Variants in CDX2 observed in about 807,000 individuals in gnomAD.
CDX2 encodes the protein caudal type homeobox 2, also known as homeobox protein CDX-2.
CDX2 carries 7 observed loss-of-function variants against 25.5 expected under a neutral mutation model. The observed-to-expected ratio is 0.27, with a 90% confidence interval of 0.16 to 0.52. The LOEUF (loss-of-function observed/expected upper bound fraction) is 0.52, where lower values mean the gene tolerates loss of function less well. Ranked by LOEUF, CDX2 falls within the 20% of genes least tolerant of loss-of-function variation. The pLI, the probability that CDX2 is intolerant of heterozygous loss-of-function variation, is 0.97. For synonymous variants in CDX2, 222 were observed against 198.6 expected (o/e 1.12, Z -0.99); for missense variants, 375 against 431.4 (o/e 0.87, Z 1.16).
chr13:27,967,139 C>T, intron 1 of CDX2: 1 of 383,982 alleles, frequency 2.6e-6, no homozygotes, highest in Non-Finnish European at 5.1e-6. Flanking sequence ...CCCCGCCAAC[C>T]GCGCCCCAGA....
chr13:27,967,685 T>C (rs573565366), intron 1 of CDX2, among the ~76,000 whole-genome samples: 49 of 152,228 alleles, frequency 3.2e-4, no homozygotes, highest in Middle Eastern at 3.4e-3. Context: ...TTGGGAGAAA[T>C]GACCCCTACC....
chr13:27,961,349 G>A lies in CDX2; in HGVS notation c.*1766C>T, dbSNP rs1442732976. Among the ~76,000 whole-genome samples, 3 of 152,246 alleles carry A rather than the reference G, an allele frequency of 2.0e-5. No homozygotes were observed. In the South Asian group the frequency reaches 6.2e-4, roughly 31 times the overall value. The stretch of plus-strand genomic sequence containing the variant: ...CCGTGGGCGCGCTGATTAGGCTCTC[G>A]GATGTTGGTGGGAAGATCGAAACGA... On this transcript the variant is annotated 3_prime_UTR_variant, in exon 3 of 3. Transcript: ENST00000381020.
intron 1 of CDX2, among the ~76,000 whole-genome samples, chr13:27,966,723 G>A (rs1432634397): frequency 6.6e-6 from 1 of 152,170 alleles, no homozygotes; most frequent in African/African-American, 2.4e-5. Context: ...ACCTAGGAGC[G>A]GGGCTATGGA....
At chr13:27,966,828 G>A (rs1240911156) in intron 1 of CDX2, among the ~76,000 whole-genome samples, 1 of 152,184 alleles carries the variant, frequency 6.6e-6, no homozygotes, top group Non-Finnish European at 1.5e-5. Flanking sequence ...GCAGGGCTGG[G>A]AAGGTGTATA....
rs776174542 is a variant in CDX2 at position 27,962,852 on chromosome 13, G to A, written c.*263C>T. 9.6e-6 allele frequency: 4 copies of A among 417,536 alleles called. No homozygotes were observed. Among genetic ancestry groups the A allele is most frequent in the South Asian group, 7.1e-5 (1 of 14,118 alleles). The allele number at this position is 417,536 out of a possible 1,614,324, so 25.9% of individuals were successfully genotyped here. Reference sequence around the variant, plus strand: ...GTCCAGGCAATGCTTCTGCCAGTCCGGAATGAAGCCCAGCGGAGGCTTTCT... The same window carrying A: ...GTCCAGGCAATGCTTCTGCCAGTCCAGAATGAAGCCCAGCGGAGGCTTTCT... On this transcript the variant is annotated 3_prime_UTR_variant, in exon 3 of 3. Coordinates refer to ENST00000381020, the MANE Select transcript of CDX2 (RefSeq NM_001265.6).
chr13:27,963,861 A>G (rs1369435739), intron 2 of CDX2, among the ~76,000 whole-genome samples: 1 of 152,116 alleles, frequency 6.6e-6, no homozygotes, highest in Non-Finnish European at 1.5e-5. Context: ...ATGTTCATGA[A>G]CCAAGTCTTG....
chr13:27,968,311 C>A (rs962474002), intron 1 of CDX2, among the ~76,000 whole-genome samples, 155 bp downstream of exon 1: 27 of 152,374 alleles, frequency 1.8e-4, no homozygotes, highest in African/African-American at 6.5e-4. Flanking sequence ...GGGCCAGAGG[C>A]CCCCGAATTT....
chr13:27,963,287 G>GGCTGCTGCTGCTGTT lies in CDX2; in HGVS notation c.755_769dup (p.Gln252_Gln256dup), dbSNP rs1869159456. On this transcript the variant is annotated inframe_insertion, in exon 3 of 3. Coordinates refer to ENST00000381020, the MANE Select transcript of CDX2 (RefSeq NM_001265.6). ...TGGTGGCGGCGGAGGCGGCTGTGGT[G>GGCTGCTGCTGCTGTT]GCTGCTGCTGCTGTTGCTGCTGCAA... The GGCTGCTGCTGCTGTT allele has an allele frequency of 6.2e-7, 1 of 1,613,636 alleles. No individual in the cohort carries two copies. Among genetic ancestry groups the GGCTGCTGCTGCTGTT allele is most frequent in the Admixed American group, 1.7e-5 (1 of 60,018 alleles).
rs1869025958 is a variant in CDX2 at position 27,961,136 on chromosome 13, C to T, written c.*1979G>A. Among the ~76,000 whole-genome samples, 1 of 152,262 alleles carries T rather than the reference C, an allele frequency of 6.6e-6. No homozygotes were observed. Among genetic ancestry groups the T allele is most frequent in the Admixed American group, 6.5e-5 (1 of 15,312 alleles). ...CTGCCCGGCACCCCCCGACCCCACG[C>T]CCCGCACTCCTCCCTCTGGCTTCGA... On this transcript the variant is annotated 3_prime_UTR_variant, in exon 3 of 3. Coordinates refer to ENST00000381020, the MANE Select transcript of CDX2 (RefSeq NM_001265.6).
intron 1 of CDX2, among the ~76,000 whole-genome samples, chr13:27,965,899 G>C (rs1292033135): frequency 1.3e-5 from 2 of 152,164 alleles, no homozygotes; most frequent in East Asian, 3.9e-4. Context: ...CTCTGGCTCC[G>C]TCCCACTTTT....
chr13:27,967,191 G>T (rs1440772394), intron 1 of CDX2: 1 of 446,594 alleles, frequency 2.2e-6, no homozygotes. Context: ...CAGGATCTGG[G>T]AGCCCCTGCT....
rs1869128881 is a variant in CDX2, at chr13:27,962,994, C to CCA, written c.*119_*120dup. On this transcript the variant is annotated 3_prime_UTR_variant, in exon 3 of 3. Transcript: ENST00000381020. ...CTGGCTCCCATTTTTCCTCTGAGAG[C>CCA]CAGGTCTGTAGGTCTATGGCTGTGG... is the stretch of plus-strand genomic sequence containing the variant. 6 of 1,247,122 alleles carry CCA rather than the reference C, an allele frequency of 4.8e-6. No homozygotes were observed. The South Asian group carries it at 1.7e-4, about 36-fold the overall frequency. The allele number at this position is 1,247,122 out of a possible 1,614,324, so 77.3% of individuals were successfully genotyped here.
At position 27,964,561 on chromosome 13, in the gene CDX2, AG is replaced by A. The variant is rs1438863049; in HGVS notation, c.687+308del. 1.3e-5 allele frequency among the ~76,000 whole-genome samples: 2 copies of A among 151,882 alleles called. No homozygotes were observed. Among genetic ancestry groups the A allele is most frequent in the Admixed American group, 6.6e-5 (1 of 15,258 alleles). ...TCTGCAAAAAATTTAAACATTAGCCAGTCATGGTGGCTCGAGCCTGTAGTCC... is the reference window on the plus strand; with the variant it reads ...TCTGCAAAAAATTTAAACATTAGCCATCATGGTGGCTCGAGCCTGTAGTCC... On this transcript the variant is annotated intron_variant, in intron 2 of 2. Transcript: ENST00000381020. The surrounding 1 kb of genome is among the most constrained non-coding windows in gnomAD (Gnocchi z 4.7).
chr13:27,969,046 G>T lies in CDX2; in HGVS notation c.-40C>A. On this transcript the variant is annotated 5_prime_UTR_variant, in exon 1 of 3. Transcript: ENST00000381020. ...GGGAGCAGACCTCACCATGCTGCCT[G>T]GGGACCGACGCTGGAGGCTGCCGGG... 2 of 1,509,214 alleles carry T rather than the reference G, an allele frequency of 1.3e-6. No individual in the cohort carries two copies. The highest frequency in any genetic ancestry group is 9.0e-7 in the Non-Finnish European group (1 of 1,110,154). The allele number at this position is 1,509,214 out of a possible 1,614,324, so 93.5% of individuals were successfully genotyped here.
chr13:27,969,072 G>A lies in CDX2; in HGVS notation c.-66C>T, dbSNP rs1869505645. 9 of 1,300,540 alleles carry A rather than the reference G, an allele frequency of 6.9e-6. No homozygotes were observed. The highest frequency in any genetic ancestry group is 3.9e-5 in the Admixed American group (2 of 51,572). 80.6% of individuals were successfully genotyped at this position (1,300,540 alleles called of 1,614,324 possible). A position where few individuals can be genotyped will look rare whatever the true frequency, so the allele number is the denominator to read the frequency against. The stretch of plus-strand genomic sequence containing the variant: ...GGGACCGACGCTGGAGGCTGCCGGG[G>A]GGCACGAAGGGAAAGGGGCGAGGGG... On this transcript the variant is annotated 5_prime_UTR_variant, in exon 1 of 3. Coordinates refer to ENST00000381020, the MANE Select transcript of CDX2 (RefSeq NM_001265.6).
Position 27,963,255 on chromosome 13 carries a change from G to A in CDX2, c.802C>T (p.Pro268Ser). 1.2e-6 allele frequency: 2 copies of A among 1,614,152 alleles called. No homozygotes were observed. The highest frequency in any genetic ancestry group is 1.7e-6 in the Non-Finnish European group (2 of 1,180,028). ...CTCAGAGGACCTGGCTGAGGCTGGG[G>A]AGGCTGTGGTGGCGGCGGAGGCGGC... ...PQPPPPPPQP[P>S]QPQPGPLRSV... is the part of the protein sequence containing the mutation. The change falls in exon 3 of 3, where the codon CCC becomes TCC. Residue 268 changes from proline to serine, a missense_variant. By Grantham distance (74) the Pro-to-Ser change is moderately conservative. Transcript: ENST00000381020.
rs1045938362 is a variant in CDX2, at chr13:27,961,400, C to A, written c.*1715G>T. ...AGGGCTAAGCCCCCCTCGCCCGGGT[C>A]CTGCCGGAAAGTTCAGCTCGGCGGC... On this transcript the variant is annotated 3_prime_UTR_variant, in exon 3 of 3. Transcript: ENST00000381020. 6.6e-5 allele frequency among the ~76,000 whole-genome samples: 10 copies of A among 152,212 alleles called. No homozygotes were observed. The highest frequency in any genetic ancestry group is 2.4e-4 in the African/African-American group (10 of 41,466).
rs1191605771 is a variant in CDX2, at chr13:27,962,572, G to A, written c.*543C>T. The A allele has an allele frequency of 1.3e-5, 3 of 232,968 alleles. No homozygotes were observed. Among genetic ancestry groups the A allele is most frequent in the African/African-American group, 6.6e-5 (3 of 45,306 alleles). The allele number at this position is 232,968 out of a possible 1,614,324, so 14.4% of individuals were successfully genotyped here. A position where few individuals can be genotyped will look rare whatever the true frequency, so the allele number is the denominator to read the frequency against. On this transcript the variant is annotated 3_prime_UTR_variant, in exon 3 of 3. Transcript: ENST00000381020. ...AGAGAAAAAAGACGCAGGCCACCTG[G>A]GGGTTCTGCAGTCTTTGGTCAGTCC...
At chr13:27,967,624 C>T (rs924320496) in intron 1 of CDX2, among the ~76,000 whole-genome samples, 1 of 152,180 alleles carries the variant, frequency 6.6e-6, no homozygotes, top group African/African-American at 2.4e-5. Context: ...GGATCTTTTT[C>T]AGTTGCACAC....
Sources: gnomAD v4.1 joint callset for allele counts (sites outside exome capture counted in the v4.1 genomes callset) on GRCh38, gnomAD v4.1.1 for gene constraint, Gnocchi (gnomAD v3.1) non-coding constraint, MANE v1.5 for transcripts, NCBI Gene and HGNC (gene_info 2026-07-23, HGNC 2026-07-21) for gene names.